Variants in ICE1 observed in about 807,000 individuals in gnomAD.
ICE1 encodes interactor of little elongation complex ELL subunit 1, also known as little elongation complex subunit 1.
ICE1 carries 64 observed loss-of-function variants against 192.7 expected under a neutral mutation model. That is an observed-to-expected ratio of 0.33 (90% CI 0.27 to 0.41). The LOEUF (loss-of-function observed/expected upper bound fraction) is 0.41. ICE1 is among the 10% of genes least tolerant of loss of function. The probability of loss-of-function intolerance (pLI) is 1.00; values close to 1 mark genes in which losing one functional copy is unlikely to be tolerated. For synonymous variants in ICE1, 1,010 were observed against 984.5 expected, an observed-to-expected ratio of 1.03 and a Z score of -0.49; for missense variants, 2,708 against 2,696.0, an observed-to-expected ratio of 1.00 and a Z score of -0.10.
chr5:5,432,691 T>C (rs138695896), intron 1 of ICE1, among the ~76,000 whole-genome samples: 6 of 152,332 alleles, frequency 3.9e-5, no homozygotes, highest in South Asian at 2.1e-4. Context: ...CTATTGTCTG[T>C]CTTTTAATTT....
intron 4 of ICE1, among the ~76,000 whole-genome samples, chr5:5,440,334 G>C (rs952706417): frequency 6.6e-6 from 1 of 152,180 alleles, no homozygotes; most frequent in Admixed American, 6.5e-5. Context: ...CCCAGATGAA[G>C]GCGAAACGTG....
intron 15 of ICE1, among the ~76,000 whole-genome samples, chr5:5,470,246 C>T (rs1020137312): frequency 1.3e-5 from 2 of 152,140 alleles, no homozygotes; most frequent in African/African-American, 4.8e-5. Flanking sequence ...GTTACCTGTT[C>T]CTAGAGAGTT....
intron 10 of ICE1, among the ~76,000 whole-genome samples, chr5:5,451,760 GTC>G (rs1430260910): frequency 6.6e-6 from 1 of 152,090 alleles, no homozygotes; most frequent in African/African-American, 2.4e-5. Context: ...AAAAACTAGT[GTC>G]TCTGTTATTA....
At chr5:5,452,163 A>ATTT (rs952502832) in intron 10 of ICE1, among the ~76,000 whole-genome samples, 19 of 133,122 alleles carry the variant, frequency 1.4e-4, no homozygotes, top group Non-Finnish European at 2.1e-4. Flanking sequence ...TGTTTGTTCC[A>ATTT]TTTTTTTTTT....
chr5:5,435,171 A>G (rs1369677631), intron 1 of ICE1, among the ~76,000 whole-genome samples: 1 of 152,232 alleles, frequency 6.6e-6, no homozygotes, highest in African/African-American at 2.4e-5. Flanking sequence ...AATATATTTT[A>G]TATATGTGGT....
At position 5,462,788 on chromosome 5, in the gene ICE1, T is replaced by C; in HGVS notation, c.3454T>C (p.Leu1152=). Residue 1152 remains leucine (L), a synonymous_variant, in exon 13 of 19, where the codon TTG becomes CTG. Coordinates refer to ENST00000296564, the MANE Select transcript of ICE1 (RefSeq NM_015325.3). The part of the protein sequence containing the change: ...EVRPSLEVGY[L]TSALQDFNIS... Reference sequence around the variant, plus strand: ...GAGACCTTCCTTAGAGGTAGGTTATTTGACGTCAGCTCTGCAAGATTTTAA... The same window carrying C: ...GAGACCTTCCTTAGAGGTAGGTTATCTGACGTCAGCTCTGCAAGATTTTAA... 3 of 1,613,534 alleles carry C rather than the reference T, an allele frequency of 1.9e-6. No individual in the cohort carries two copies. Among genetic ancestry groups the C allele is most frequent in the Non-Finnish European group, 8.5e-7 (1 of 1,179,680 alleles).
At chr5:5,466,594 G>A (rs1310127811) in intron 14 of ICE1, 92 bp downstream of exon 14, 3 of 1,059,080 alleles carry the variant, frequency 2.8e-6, no homozygotes, top group Non-Finnish European at 4.0e-6. Flanking sequence ...TGATTACTGT[G>A]TGTCTTTTAA....
At chr5:5,423,592 G>C (rs1443345441) in intron 1 of ICE1, among the ~76,000 whole-genome samples, 2 of 152,232 alleles carry the variant, frequency 1.3e-5, no homozygotes, top group Non-Finnish European at 2.9e-5. Flanking sequence ...AAGGCATGCA[G>C]AGACTGGAGG....
rs1739147247 is a variant in ICE1, at chr5:5,471,201, A to G, written c.6222+2213A>G. 2.0e-5 allele frequency among the ~76,000 whole-genome samples: 3 copies of G among 152,200 alleles called. No individual in the cohort carries two copies. In the South Asian group the frequency reaches 6.2e-4, roughly 32 times the overall value. The stretch of plus-strand genomic sequence containing the variant: ...ATTTGAAATGGGAAAGTAGACATAT[A>G]GGACACAGAATGAGAAGACTACTAC... On this transcript the variant is annotated intron_variant, in intron 15 of 18. Transcript: ENST00000296564.
chr5:5,422,869 C>T lies in ICE1; in HGVS notation c.-47C>T. The T allele has an allele frequency of 7.9e-7, 1 of 1,263,818 alleles. No homozygotes were observed. The highest frequency in any genetic ancestry group is 1.0e-6 in the Non-Finnish European group (1 of 1,000,050). 78.3% of individuals were successfully genotyped at this position (1,263,818 alleles called of 1,614,324 possible). A position where few individuals can be genotyped will look rare whatever the true frequency, so the allele number is the denominator to read the frequency against. ...AGCAGAGACAGGACGGGGCCGACGC[C>T]GCGGGCCCCTGAGGCGTGCGTGCCC... is the stretch of plus-strand genomic sequence containing the variant. On this transcript the variant is annotated 5_prime_UTR_variant, in exon 1 of 19. Transcript: ENST00000296564.
rs776914300 is a variant in ICE1, at chr5:5,489,282, C to T, written c.6753C>T (p.Val2251=). Residue 2251 remains valine (V), a synonymous_variant, in exon 19 of 19, where the codon GTC becomes GTT. Transcript: ENST00000296564. ...CCAAAAGCGTTCCGTCTGCGATTGT[C>T]AGCTGCCTAGAGGAAGTCAGTGCCC... The part of the protein sequence containing the change: ...EASKSVPSAI[V]SCLEEVSALS... 1.2e-6 allele frequency: 2 copies of T among 1,613,578 alleles called. No homozygotes were observed. Among genetic ancestry groups the T allele is most frequent in the Non-Finnish European group, 8.5e-7 (1 of 1,179,746 alleles).
chr5:5,455,379 TACCCATTGGTATTA>T (rs1271988121), intron 11 of ICE1, among the ~76,000 whole-genome samples: 1 of 152,226 alleles, frequency 6.6e-6, no homozygotes, highest in Non-Finnish European at 1.5e-5. Context: ...ACCTGCCAGG[TACCCATTGGTATTA>T]ACCACATGGT....
Position 5,463,619 on chromosome 5 carries a change from G to T in ICE1, c.4285G>T (p.Gly1429Cys). The T allele has an allele frequency of 1.2e-6, 2 of 1,614,004 alleles. No homozygotes were observed. The highest frequency in any genetic ancestry group is 1.7e-6 in the Non-Finnish European group (2 of 1,179,880). The stretch of plus-strand genomic sequence containing the variant: ...GGGGGACAACTGGACAATCATCAGT[G>T]GTGTAGCTGTCTTGCCACATGTGGA... The part of the protein sequence containing the change: ...EKGDNWTIIS[G>C]VAVLPHVDQV... Residue 1429 changes from glycine (G) to cysteine (C), a missense_variant, in exon 13 of 19, where the codon GGT becomes TGT. This residue lies in a region of ICE1 where 2,366 missense variants were observed against 2,276.6 expected (regional missense o/e 1.04). Coordinates refer to ENST00000296564, the MANE Select transcript of ICE1 (RefSeq NM_015325.3).
In ICE1 at chr5:5,462,205, A is replaced by G. The variant is rs1361927466; in HGVS notation, c.2871A>G (p.Leu957=). 2.5e-6 allele frequency: 4 copies of G among 1,610,948 alleles called. No individual in the cohort carries two copies. Among genetic ancestry groups the G allele is most frequent in the East Asian group, 2.2e-5 (1 of 44,846 alleles). The change falls in exon 13 of 19, where the codon TTA becomes TTG. Residue 957 remains leucine (L), a synonymous_variant. Transcript: ENST00000296564. ...CTGATTGTTCCACAAATAGCAGATTATCTTTCTCTCCTGAAAATATCCTCA... is the reference window on the plus strand; with the variant it reads ...CTGATTGTTCCACAAATAGCAGATTGTCTTTCTCTCCTGAAAATATCCTCA... ...ENSDCSTNSR[L]SFSPENILIQ...
chr5:5,464,125 A>T lies in ICE1; in HGVS notation c.4791A>T (p.Gln1597His). Reference protein sequence around the residue: ...FSGEKANTKTQRSQTQTILAN... With the variant: ...FSGEKANTKTHRSQTQTILAN... Reference sequence around the variant, plus strand: ...GGGAAAAAGCTAATACAAAAACTCAAAGAAGCCAAACTCAGACCATTTTAG... The same window carrying T: ...GGGAAAAAGCTAATACAAAAACTCATAGAAGCCAAACTCAGACCATTTTAG... The change falls in exon 13 of 19, where the codon CAA (glutamine) becomes CAT (histidine). Residue 1597 changes from glutamine to histidine, a missense_variant. By Grantham distance (24) the Gln-to-His change is conservative (BLOSUM62 0). This residue lies in a region of ICE1 where 2,366 missense variants were observed against 2,276.6 expected (regional missense o/e 1.04). Coordinates refer to ENST00000296564, the MANE Select transcript of ICE1 (RefSeq NM_015325.3). This position sits in a 1 kb window ranked among gnomAD's most constrained non-coding sequence, Gnocchi z 4.0. The T allele has an allele frequency of 6.2e-7, 1 of 1,613,530 alleles. No homozygotes were observed. Among genetic ancestry groups the T allele is most frequent in the Non-Finnish European group, 8.5e-7 (1 of 1,179,860 alleles).
chr5:5,445,314 G>A (rs1738181689), intron 7 of ICE1, among the ~76,000 whole-genome samples: 1 of 152,138 alleles, frequency 6.6e-6, no homozygotes, highest in Non-Finnish European at 1.5e-5. Flanking sequence ...CTGACAATAT[G>A]GCAGTAAGAA....
At position 5,461,082 on chromosome 5, in the gene ICE1, G is replaced by A. The variant is rs1351105547; in HGVS notation, c.1748G>A (p.Gly583Asp). The A allele has an allele frequency of 2.8e-5, 45 of 1,613,884 alleles. No individual in the cohort carries two copies. Among genetic ancestry groups the A allele is most frequent in the Non-Finnish European group, 3.4e-5 (40 of 1,179,912 alleles). The change falls in exon 13 of 19, where the codon GGC becomes GAC. Residue 583 changes from glycine (G) to aspartate (D), a missense_variant. Physicochemically the swap from Gly to Asp is moderately conservative, Grantham distance 94. Coordinates refer to ENST00000296564, the MANE Select transcript of ICE1 (RefSeq NM_015325.3). ...TSEPDRITVS[G>D]HFHRLSRELE... is the part of the protein sequence containing the mutation. ...GAACCAGACCGTATCACAGTTTCTG[G>A]CCATTTTCACAGACTATCTAGAGAA... is the stretch of plus-strand genomic sequence containing the variant.
At position 5,438,377 on chromosome 5, in the gene ICE1, T is replaced by A. The variant is rs113384406; in HGVS notation, c.178+1263T>A. The stretch of plus-strand genomic sequence containing the variant: ...ACCATATCATCATTTCTAATTTCTG[T>A]GAAAATCGTAAAATTAAGAGATATC... On this transcript the variant is annotated intron_variant, in intron 3 of 18. Coordinates refer to ENST00000296564, the MANE Select transcript of ICE1 (RefSeq NM_015325.3). Among the ~76,000 whole-genome samples the A allele has an allele frequency of 3.3e-3, 507 of 152,288 alleles. 3 individuals carry two copies. The highest frequency in any genetic ancestry group is 0.012 in the African/African-American group (480 of 41,566).
rs1407021962 is a variant in ICE1 at position 5,461,518 on chromosome 5, A to G, written c.2184A>G (p.Val728=). 1.2e-6 allele frequency: 2 copies of G among 1,613,598 alleles called. No homozygotes were observed. The highest frequency in any genetic ancestry group is 2.2e-5 in the East Asian group (1 of 44,880). The change falls in exon 13 of 19, where the codon GTA becomes GTG. Residue 728 remains valine, a synonymous_variant. Coordinates refer to ENST00000296564, the MANE Select transcript of ICE1 (RefSeq NM_015325.3). ...GCAGTGGGATAGAATATACAAAAGT[A>G]GTAAAAGGCTTGACCAAAATACATT... ...QKSSGIEYTK[V]VKGLTKIHSL...
Sources: allele counts gnomAD v4.1 joint callset (sites outside exome capture counted in the v4.1 genomes callset), GRCh38; gene constraint gnomAD v4.1.1; regional missense constraint gnomAD v4.1.1; non-coding constraint Gnocchi (gnomAD v3.1); transcripts MANE v1.5; gene names NCBI Gene and HGNC (gene_info 2026-07-23, HGNC 2026-07-21).